Variants in COL25A1 observed in about 807,000 individuals in gnomAD.
COL25A1 encodes collagen alpha-1(XXV) chain.
A neutral mutation model predicts 128.4 loss-of-function variants in COL25A1; 103 were observed. That is an observed-to-expected ratio of 0.80 (90% confidence interval 0.68 to 0.94). The LOEUF (loss-of-function observed/expected upper bound fraction) is 0.94, where lower values mean the gene tolerates loss of function less well. Ranked by LOEUF, COL25A1 falls within the 40% of genes least tolerant of loss-of-function variation. COL25A1 has a pLI of 0.00. For missense variants in COL25A1, 745 were observed against 840.0 expected (o/e 0.89, Z 1.40); for synonymous variants, 279 against 277.2 (o/e 1.01, Z -0.06).
At chr4:109,039,597 T>C (rs1050872668) in intron 5 of COL25A1, among the ~76,000 whole-genome samples, 10 of 152,210 alleles carry the variant, frequency 6.6e-5, no homozygotes, top group African/African-American at 2.4e-4. Flanking sequence ...CACCTTGGTA[T>C]ATCCTGAGCA....
intron 3 of COL25A1, among the ~76,000 whole-genome samples, chr4:109,276,181 C>T (rs1045102309): frequency 1.3e-5 from 2 of 152,046 alleles, no homozygotes; most frequent in Admixed American, 6.6e-5. Flanking sequence ...GAGGCTGAGG[C>T]GGGTGGATCA....
intron 24 of COL25A1, among the ~76,000 whole-genome samples, chr4:108,854,777 G>C (rs1251469790): frequency 2.0e-5 from 3 of 152,146 alleles, no homozygotes; most frequent in Non-Finnish European, 4.4e-5. Flanking sequence ...GTGTAAACTA[G>C]TTCAACCATT....
At chr4:109,075,959 T>A (rs890953899) in intron 3 of COL25A1, among the ~76,000 whole-genome samples, 1 of 152,160 alleles carries the variant, frequency 6.6e-6, no homozygotes, top group Non-Finnish European at 1.5e-5. Flanking sequence ...GGGAAAAAAA[T>A]TGCATCTGTA....
At chr4:108,957,684 A>C (rs1053559057) in intron 8 of COL25A1, among the ~76,000 whole-genome samples, 5 of 152,230 alleles carry the variant, frequency 3.3e-5, no homozygotes, top group African/African-American at 1.2e-4. Context: ...AAATGTTTGA[A>C]TAAAACTCAG....
At chr4:109,291,447 C>T (rs1411878136) in intron 3 of COL25A1, among the ~76,000 whole-genome samples, 1 of 151,934 alleles carries the variant, frequency 6.6e-6, no homozygotes, top group African/African-American at 2.4e-5. Context: ...AACCAAAAAT[C>T]AAATCAAGTA....
chr4:108,863,200 A>C (rs1299805381), intron 21 of COL25A1, 119 bp downstream of exon 21: 1 of 928,786 alleles, frequency 1.1e-6, no homozygotes. Flanking sequence ...TGTGCATTTC[A>C]ACAAACTATT....
intron 11 of COL25A1, among the ~76,000 whole-genome samples, chr4:108,926,081 T>G (rs1469776478): frequency 6.6e-6 from 1 of 152,180 alleles, no homozygotes; most frequent in Non-Finnish European, 1.5e-5. Context: ...AGACACATCA[T>G]GAGATGGAAA....
chr4:109,262,126 T>C (rs1044838711), intron 3 of COL25A1, among the ~76,000 whole-genome samples: 4 of 152,182 alleles, frequency 2.6e-5, no homozygotes, highest in African/African-American at 9.7e-5. Flanking sequence ...ATCACCTTGA[T>C]TTCTAACCTG....
intron 3 of COL25A1, among the ~76,000 whole-genome samples, chr4:109,100,440 C>G: frequency 6.7e-6 from 1 of 148,364 alleles, no homozygotes; most frequent in East Asian, 2.0e-4. Context: ...AGACTGGAAA[C>G]ATACACCCAT....
chr4:109,199,955 C>G (rs567145438), intron 3 of COL25A1, among the ~76,000 whole-genome samples: 1 of 152,236 alleles, frequency 6.6e-6, no homozygotes, highest in South Asian at 2.1e-4. Flanking sequence ...AAGAAATACA[C>G]CTTAGTTATT....
intron 6 of COL25A1, among the ~76,000 whole-genome samples, chr4:108,993,609 C>G (rs1210243403): frequency 1.3e-5 from 2 of 152,138 alleles, no homozygotes; most frequent in East Asian, 1.9e-4. Context: ...CCTGTAATCC[C>G]AGCACTTTGG....
intron 3 of COL25A1, among the ~76,000 whole-genome samples, chr4:109,111,239 G>A (rs1766988096): frequency 6.6e-6 from 1 of 152,212 alleles, no homozygotes; most frequent in Non-Finnish European, 1.5e-5. Context: ...GGAATTGACA[G>A]CTTTACAACA....
chr4:108,965,680 G>A (rs1290581429), intron 8 of COL25A1, among the ~76,000 whole-genome samples: 1 of 152,128 alleles, frequency 6.6e-6, no homozygotes, highest in African/African-American at 2.4e-5. Context: ...TATGAACTGG[G>A]CAAACAAAAA....
intron 3 of COL25A1, among the ~76,000 whole-genome samples, chr4:109,146,380 T>C (rs1578283215): frequency 6.6e-6 from 1 of 152,318 alleles, no homozygotes; most frequent in East Asian, 1.9e-4. Context: ...TAAAAATCAT[T>C]ATATGACAAT....
chr4:109,148,773 G>T (rs1771192140), intron 3 of COL25A1, among the ~76,000 whole-genome samples: 1 of 152,016 alleles, frequency 6.6e-6, no homozygotes, highest in Non-Finnish European at 1.5e-5. Flanking sequence ...TTAACCTCCG[G>T]CCAGTTTCCC....
chr4:108,926,641 C>T (rs751248053), intron 11 of COL25A1, among the ~76,000 whole-genome samples: 4 of 151,858 alleles, frequency 2.6e-5, no homozygotes, highest in Non-Finnish European at 4.4e-5. Context: ...AAGATATTAA[C>T]CTGGTGAAAT....
intron 6 of COL25A1, among the ~76,000 whole-genome samples, chr4:108,993,021 G>A (rs181063441): frequency 3.4e-4 from 51 of 152,232 alleles, no homozygotes; most frequent in Admixed American, 7.8e-4. Context: ...ACCTGACATG[G>A]TTATCATGTT....
At chr4:109,166,278 C>A (rs982194) in intron 3 of COL25A1, among the ~76,000 whole-genome samples, 3,079 of 152,254 alleles carry the variant, frequency 0.02, 99 homozygotes, top group South Asian at 0.13. Flanking sequence ...CAATTGTCTC[C>A]ATCTCCTTTC....
intron 3 of COL25A1, among the ~76,000 whole-genome samples, chr4:109,218,357 G>GTTTTTTTTTTTTTTTTTTTTTTT (rs34056401): frequency 6.9e-4 from 51 of 73,568 alleles, no homozygotes; most frequent in South Asian, 1.4e-3. Flanking sequence ...GTTTTTTGGG[G>GTTTTTTTTTTTTTTTTTTTTTTT]TTTTTTTTTT....
Sources: allele counts gnomAD v4.1 joint callset (sites outside exome capture counted in the v4.1 genomes callset), GRCh38; gene constraint gnomAD v4.1.1; transcripts MANE v1.5; gene names NCBI Gene and HGNC (gene_info 2026-07-23, HGNC 2026-07-21).